The following FARS2 variants were observed in gnomAD, a reference collection of about 807,000 sequenced individuals.
The protein encoded by FARS2 is phenylalanine--tRNA ligase, mitochondrial.
FARS2 carries 40 observed loss-of-function variants against 46.4 expected under a neutral mutation model. That is an observed-to-expected ratio of 0.86 (90% CI 0.67 to 1.12). FARS2 has a LOEUF of 1.12. FARS2 is among the 50% of genes most tolerant of loss of function. The pLI, the probability that FARS2 is intolerant of heterozygous loss-of-function variation, is 0.00. For missense variants in FARS2, 513 were observed against 567.9 expected, an observed-to-expected ratio of 0.90 and a Z score of 0.98; for synonymous variants, 234 against 214.9, an observed-to-expected ratio of 1.09 and a Z score of -0.78.
At chr6:5,684,716 C>T (rs1269516917) in intron 6 of FARS2, among the ~76,000 whole-genome samples, 1 of 152,194 alleles carries the variant, frequency 6.6e-6, no homozygotes, top group Non-Finnish European at 1.5e-5. Flanking sequence ...ACATCTTACA[C>T]ATTGAGTGGA....
chr6:5,741,508 A>T (rs905336016), intron 6 of FARS2, among the ~76,000 whole-genome samples: 1 of 152,178 alleles, frequency 6.6e-6, no homozygotes, highest in Admixed American at 6.5e-5. Flanking sequence ...GGGTGTTACC[A>T]GTGACCCTTG....
At chr6:5,663,865 A>G (rs1176453036) in intron 6 of FARS2, among the ~76,000 whole-genome samples, 1 of 152,188 alleles carries the variant, frequency 6.6e-6, no homozygotes. Context: ...GGGAAGATGT[A>G]CTCAGCACTA....
chr6:5,466,871 C>G (rs1765543153), intron 4 of FARS2: 1 of 985,442 alleles, frequency 1.0e-6, no homozygotes, highest in Non-Finnish European at 1.2e-6. Context: ...GCTGGCTCTT[C>G]TATGGATTCC....
intron 4 of FARS2, among the ~76,000 whole-genome samples, chr6:5,516,406 A>G (rs1391412421): frequency 1.3e-5 from 2 of 152,198 alleles, no homozygotes; most frequent in African/African-American, 4.8e-5. Flanking sequence ...GCAATAGTAT[A>G]GGTTCTCTCT....
In FARS2 at chr6:5,304,874, T is replaced by C. The variant is rs144467726; in HGVS notation, c.-22+43214T>C. On this transcript the variant is annotated intron_variant, in intron 1 of 6. Transcript: ENST00000274680. The stretch of plus-strand genomic sequence containing the variant: ...TTTTAAAAAGATTGGCAAAGGTGAG[T>C]TGACAAGAGTGTTCAGCCAGTGTGA... Among the ~76,000 whole-genome samples the C allele has an allele frequency of 2.7e-3, 414 of 152,316 alleles. 11 individuals carry two copies. Among genetic ancestry groups the C allele is most frequent in the Admixed American group, 0.024 (364 of 15,308 alleles).
At chr6:5,558,984 AATG>A (rs1248917291) in intron 5 of FARS2, among the ~76,000 whole-genome samples, 2 of 152,140 alleles carry the variant, frequency 1.3e-5, no homozygotes, top group African/African-American at 4.8e-5. Context: ...TTATTTTTAA[AATG>A]ATGATATGTT....
chr6:5,361,827 A>G (rs1758323324), intron 1 of FARS2, among the ~76,000 whole-genome samples: 1 of 152,144 alleles, frequency 6.6e-6, no homozygotes, highest in Non-Finnish European at 1.5e-5. Context: ...CCCTGAAGCT[A>G]ATTATGCTTT....
chr6:5,580,374 A>G (rs996835681), intron 5 of FARS2, among the ~76,000 whole-genome samples: 15 of 151,298 alleles, frequency 9.9e-5, no homozygotes, highest in African/African-American at 2.4e-5. Context: ...AGACGGTTTG[A>G]TTCTCTAGAT....
Position 5,539,384 on chromosome 6 carries a change from G to GTGTGTATATATA in FARS2, c.905-5795_905-5794insGTGTATATATAT. Among the ~76,000 whole-genome samples, 12 of 79,582 alleles carry GTGTGTATATATA rather than the reference G, an allele frequency of 1.5e-4. 1 individual carries two copies. The highest frequency in any genetic ancestry group is 6.4e-3 in the Middle Eastern group (1 of 156). The allele number at this position is 79,582 out of a possible 152,430, so 52.2% of individuals were successfully genotyped here. On this transcript the variant is annotated intron_variant, in intron 4 of 6. Transcript: ENST00000274680. ...ACCATGCCCACCTAATTTTTTTTGT[G>GTGTGTATATATA]TATATATATATATATGTATATATTT...
chr6:5,256,491 G>GAAAAA (rs1161084364), upstream of FARS2, among the ~76,000 whole-genome samples: 7 of 43,876 alleles, frequency 1.6e-4, no homozygotes, highest in Non-Finnish European at 2.2e-4. Flanking sequence ...ATTTCAACTG[G>GAAAAA]AAAAAAAAAA....
chr6:5,738,403 A>G (rs554447474), intron 6 of FARS2, among the ~76,000 whole-genome samples: 2 of 152,396 alleles, frequency 1.3e-5, no homozygotes, highest in East Asian at 3.9e-4. Context: ...ATGTATGAAT[A>G]GAACAGGTTC....
intron 4 of FARS2, among the ~76,000 whole-genome samples, chr6:5,537,032 A>C (rs772006301): frequency 6.6e-6 from 1 of 152,140 alleles, no homozygotes; most frequent in Non-Finnish European, 1.5e-5. Flanking sequence ...TAATGGTATA[A>C]AGGTACCCTT....
intron 6 of FARS2, among the ~76,000 whole-genome samples, chr6:5,715,558 A>G (rs1347394394): frequency 6.6e-6 from 1 of 152,182 alleles, no homozygotes; most frequent in African/African-American, 2.4e-5. Flanking sequence ...ACATTTGTAT[A>G]TAAGGAATCA....
At position 5,765,561 on chromosome 6, in the gene FARS2, C is replaced by T. The variant is rs930328687; in HGVS notation, c.1218-5730C>T. ...CCCTCTGGTGGGCCCTGTAGTGCCG[C>T]ACTGTACTAGACAAACAGCGCGTGT... is the stretch of plus-strand genomic sequence containing the variant. On this transcript the variant is annotated intron_variant, in intron 6 of 6. Coordinates refer to ENST00000274680, the MANE Select transcript of FARS2 (RefSeq NM_006567.5). The surrounding 1 kb of genome is among the most constrained non-coding windows in gnomAD (Gnocchi z 4.0). Among the ~76,000 whole-genome samples, 1 of 152,132 alleles carries T rather than the reference C, an allele frequency of 6.6e-6. No individual in the cohort carries two copies. The highest frequency in any genetic ancestry group is 1.5e-5 in the Non-Finnish European group (1 of 68,034).
chr6:5,729,419 G>A (rs1760484359), intron 6 of FARS2, among the ~76,000 whole-genome samples: 1 of 152,196 alleles, frequency 6.6e-6, no homozygotes, highest in Non-Finnish European at 1.5e-5. Context: ...CAGAGAGCAG[G>A]GGCTGAGGAC....
rs559774314 is a variant in FARS2, at chr6:5,488,876, T to G, written c.905-56304T>G. Among the ~76,000 whole-genome samples, 37 of 152,280 alleles carry G rather than the reference T, an allele frequency of 2.4e-4. 1 individual carries two copies. Among genetic ancestry groups the G allele is most frequent in the Middle Eastern group, 6.8e-3 (2 of 294 alleles). ...CCTGTTTCTTTTTCAGGTGTTCGGATTTCTTTTAATGTTTTCAGTCAATTC... is the reference window on the plus strand; with the variant it reads ...CCTGTTTCTTTTTCAGGTGTTCGGAGTTCTTTTAATGTTTTCAGTCAATTC... On this transcript the variant is annotated intron_variant, in intron 4 of 6. Coordinates refer to ENST00000274680, the MANE Select transcript of FARS2 (RefSeq NM_006567.5).
rs1255290904 is a variant in FARS2 at position 5,732,476 on chromosome 6, C to T, written c.1218-38815C>T. The stretch of plus-strand genomic sequence containing the variant: ...TCTGTAGCTCCTCTCCCTTCTGACC[C>T]GTTCCCCCAGCTTTCAATGTCAGAC... On this transcript the variant is annotated intron_variant, in intron 6 of 6. Coordinates refer to ENST00000274680, the MANE Select transcript of FARS2 (RefSeq NM_006567.5). Among the ~76,000 whole-genome samples the T allele has an allele frequency of 7.2e-5, 11 of 152,180 alleles. No homozygotes were observed. In the South Asian group the frequency reaches 1.7e-3, roughly 23 times the overall value.
chr6:5,709,663 T>A (rs1758985992), intron 6 of FARS2, among the ~76,000 whole-genome samples: 1 of 145,274 alleles, frequency 6.9e-6, no homozygotes, highest in Non-Finnish European at 1.5e-5. Context: ...CTGTTGATGT[T>A]CCAAGAGGGT....
In FARS2 at chr6:5,747,986, A is replaced by G. The variant is rs191007793; in HGVS notation, c.1218-23305A>G. ...CTGAAATATTGTTTCATCCTGGATC[A>G]TTTCTTGAGATCAAGAGTTCATCTG... On this transcript the variant is annotated intron_variant, in intron 6 of 6. Coordinates refer to ENST00000274680, the MANE Select transcript of FARS2 (RefSeq NM_006567.5). 1.2e-3 allele frequency among the ~76,000 whole-genome samples: 189 copies of G among 152,268 alleles called. 2 individuals are homozygous for G. The Middle Eastern group carries it at 0.044, about 36-fold the overall frequency.
Sources: allele counts gnomAD v4.1 joint callset (sites outside exome capture counted in the v4.1 genomes callset), GRCh38; gene constraint gnomAD v4.1.1; non-coding constraint Gnocchi (gnomAD v3.1); transcripts MANE v1.5; gene names NCBI Gene and HGNC (gene_info 2026-07-23, HGNC 2026-07-21).